The following NPHP4 variants were observed in gnomAD, a reference collection of about 807,000 sequenced individuals.
NPHP4 encodes the protein nephrocystin-4.
NPHP4 carries 151 observed loss-of-function variants against 155.8 expected under a neutral mutation model. That is an observed-to-expected ratio of 0.97 (90% CI 0.85 to 1.11). The LOEUF (loss-of-function observed/expected upper bound fraction) is 1.11, where lower values mean the gene tolerates loss of function less well. NPHP4 is among the 50% of genes least tolerant of loss of function. The pLI is 0.00. For missense variants in NPHP4, 1,956 were observed against 1,925.7 expected (o/e 1.02, Z -0.29); for synonymous variants, 845 against 816.8 (o/e 1.03, Z -0.59).
chr1:5,884,480 G>A (rs1037443560), intron 18 of NPHP4, among the ~76,000 whole-genome samples: 64 of 129,510 alleles, frequency 4.9e-4, no homozygotes, highest in Middle Eastern at 4.8e-3. Flanking sequence ...GCTCCCAGCC[G>A]AGCCCCCGTC....
intron 23 of NPHP4, 162 bp from the exon 24 acceptor site, chr1:5,868,058 T>C (rs545013748): frequency 8.7e-6 from 7 of 804,730 alleles, no homozygotes; most frequent in Middle Eastern, 4.4e-4. Flanking sequence ...AGGGACTGAG[T>C]CTGCAGCAGC....
At chr1:5,902,702 C>T (rs1478491204) in intron 16 of NPHP4, among the ~76,000 whole-genome samples, 3 of 152,154 alleles carry the variant, frequency 2.0e-5, no homozygotes, top group African/African-American at 7.2e-5. Context: ...TCTTCTTCAC[C>T]AACATAGGCA....
At chr1:5,894,000 T>A (rs1034982722) in intron 16 of NPHP4, among the ~76,000 whole-genome samples, 4 of 152,232 alleles carry the variant, frequency 2.6e-5, no homozygotes, top group Admixed American at 6.5e-5. Flanking sequence ...AGGATTATTA[T>A]AATATTGGAA....
intron 23 of NPHP4, among the ~76,000 whole-genome samples, 169 bp downstream of exon 23, chr1:5,873,083 C>G (rs1253417130): frequency 2.0e-5 from 3 of 152,192 alleles, no homozygotes; most frequent in Non-Finnish European, 4.4e-5. Context: ...CCAGACGGAG[C>G]TGCCCTGCCC....
intron 23 of NPHP4, 61 bp downstream of exon 23, chr1:5,873,191 G>A (rs1422837519): frequency 3.5e-6 from 5 of 1,411,956 alleles, no homozygotes; most frequent in Non-Finnish European, 5.0e-6. Context: ...GGACACAAGG[G>A]TCAGGCCCTG....
chr1:5,975,749 TG>T (rs1653440167), intron 3 of NPHP4, among the ~76,000 whole-genome samples: 1 of 152,166 alleles, frequency 6.6e-6, no homozygotes, highest in African/African-American at 2.4e-5. Context: ...TGCCAGGATG[TG>T]GTGAAATGCA....
Position 5,905,213 on chromosome 1 carries a change from G to C in NPHP4, c.1955+79C>G, listed in dbSNP as rs1644855988. ...GACCTCAGCACAGACAGTTCTGCCAGGTCAGAACCTCAGCGAAGTTTCTCT... is the reference window on the plus strand; with the variant it reads ...GACCTCAGCACAGACAGTTCTGCCACGTCAGAACCTCAGCGAAGTTTCTCT... On this transcript the variant is annotated intron_variant, in intron 15 of 29. Coordinates refer to ENST00000378156, the MANE Select transcript of NPHP4 (RefSeq NM_015102.5). This position sits in a 1 kb window ranked among gnomAD's most constrained non-coding sequence, Gnocchi z 4.0. 8.6e-7 allele frequency: 1 copy of C among 1,169,012 alleles called. No homozygotes were observed. Among genetic ancestry groups the C allele is most frequent in the Admixed American group, 1.7e-5 (1 of 59,130 alleles). 72.4% of individuals were successfully genotyped at this position (1,169,012 alleles called of 1,614,324 possible).
chr1:5,961,241 G>C (rs573304678), intron 6 of NPHP4, among the ~76,000 whole-genome samples: 3 of 152,270 alleles, frequency 2.0e-5, no homozygotes, highest in African/African-American at 7.2e-5. Flanking sequence ...GGCTGCCAGG[G>C]GCTGGGGGAG....
Position 5,867,533 on chromosome 1 carries a change from G to A in NPHP4, c.3472+207C>T. The A allele has an allele frequency of 1.6e-6, 1 of 612,566 alleles. No homozygotes were observed. Among genetic ancestry groups the A allele is most frequent in the Non-Finnish European group, 2.8e-6 (1 of 352,152 alleles). The allele number at this position is 612,566 out of a possible 1,614,324, so 37.9% of individuals were successfully genotyped here. On this transcript the variant is annotated intron_variant, in intron 24 of 29. Coordinates refer to ENST00000378156, the MANE Select transcript of NPHP4 (RefSeq NM_015102.5). This position sits in a 1 kb window ranked among gnomAD's most constrained non-coding sequence, Gnocchi z 4.1. Reference sequence around the variant, plus strand: ...TTTTTTAGAAGGGCAGACTCAGCCGGCAAATGCGCACCTAGTCATCTCAGA... The same window carrying A: ...TTTTTTAGAAGGGCAGACTCAGCCGACAAATGCGCACCTAGTCATCTCAGA...
Position 5,867,653 on chromosome 1 carries a change from A to T in NPHP4, c.3472+87T>A. Reference sequence around the variant, plus strand: ...TCTGACAGCACCAGGGCATGAAGCCATGAGGCCATCTGTCACCCTCAAGAG... The same window carrying T: ...TCTGACAGCACCAGGGCATGAAGCCTTGAGGCCATCTGTCACCCTCAAGAG... On this transcript the variant is annotated intron_variant, in intron 24 of 29. Transcript: ENST00000378156. The surrounding 1 kb of genome is among the most constrained non-coding windows in gnomAD (Gnocchi z 4.1). 3 of 1,389,182 alleles carry T rather than the reference A, an allele frequency of 2.2e-6. No individual in the cohort carries two copies. The highest frequency in any genetic ancestry group is 3.0e-6 in the Non-Finnish European group (3 of 1,004,784). 86.1% of individuals were successfully genotyped at this position (1,389,182 alleles called of 1,614,324 possible).
At chr1:5,864,275 G>A (rs1005974270) in intron 28 of NPHP4, 63 bp downstream of exon 28, 95 of 1,464,658 alleles carry the variant, frequency 6.5e-5, no homozygotes, top group Non-Finnish European at 8.5e-5. Flanking sequence ...CGAGGTGGGG[G>A]TCCTGCAGTG....
chr1:5,961,558 A>G (rs1317029195), intron 6 of NPHP4, among the ~76,000 whole-genome samples: 1 of 152,186 alleles, frequency 6.6e-6, no homozygotes, highest in African/African-American at 2.4e-5. Context: ...TTTCCCAACC[A>G]AAGCAGCCAG....
Position 5,875,083 on chromosome 1 carries a change from G to A in NPHP4, c.2835C>T (p.Arg945=). 1 of 1,605,178 alleles carries A rather than the reference G, an allele frequency of 6.2e-7. No individual in the cohort carries two copies. The highest frequency in any genetic ancestry group is 8.5e-7 in the Non-Finnish European group (1 of 1,179,188). ...GTSVLAQQSV[R]TQHLRDLQVI... ...CCTGTAGGTCCCGCAAGTGCTGTGT[G>A]CGGACGCTCTGCTGCGCCTGCAGAC... Residue 945 remains arginine, a synonymous_variant, in exon 21 of 30, where the codon CGC becomes CGT. Coordinates refer to ENST00000378156, the MANE Select transcript of NPHP4 (RefSeq NM_015102.5).
Position 5,909,565 on chromosome 1 carries a change from G to A in NPHP4, c.1442-352C>T, listed in dbSNP as rs182570003. 2.4e-3 allele frequency among the ~76,000 whole-genome samples: 360 copies of A among 152,310 alleles called. 2 individuals are homozygous for A. The highest frequency in any genetic ancestry group is 3.7e-3 in the Non-Finnish European group (249 of 68,030). On this transcript the variant is annotated intron_variant, in intron 11 of 29. Coordinates refer to ENST00000378156, the MANE Select transcript of NPHP4 (RefSeq NM_015102.5). ...ATCTTCCCTGCCCGGAAGAGCTGGG[G>A]TCTGAGGTTGCCCCAGTCTTGCAGC...
In NPHP4 at chr1:5,862,996, G is replaced by A. The variant is rs554018192; in HGVS notation, c.*269C>T. 4.4e-5 allele frequency: 23 copies of A among 518,542 alleles called. No homozygotes were observed. Among genetic ancestry groups the A allele is most frequent in the Middle Eastern group, 5.2e-4 (1 of 1,924 alleles). 32.1% of individuals were successfully genotyped at this position (518,542 alleles called of 1,614,324 possible). A position where few individuals can be genotyped will look rare whatever the true frequency, so the allele number is the denominator to read the frequency against. On this transcript the variant is annotated 3_prime_UTR_variant, in exon 30 of 30. Transcript: ENST00000378156. ...CAGCGATAACGAGGGTCCCACATGCGTAGATGGCAGCACCAGAGCCAGACC... is the reference window on the plus strand; with the variant it reads ...CAGCGATAACGAGGGTCCCACATGCATAGATGGCAGCACCAGAGCCAGACC...
At chr1:5,922,670 T>G (rs1161879388) in intron 11 of NPHP4, among the ~76,000 whole-genome samples, 1 of 152,066 alleles carries the variant, frequency 6.6e-6, no homozygotes, top group Non-Finnish European at 1.5e-5. Context: ...AACAAAAAAC[T>G]TAGCCAGGCA....
intron 2 of NPHP4, among the ~76,000 whole-genome samples, chr1:5,983,442 C>T (rs1393829689): frequency 6.6e-6 from 1 of 152,178 alleles, no homozygotes; most frequent in African/African-American, 2.4e-5. Flanking sequence ...TTCTGAGAGT[C>T]TGGAATTTTG....
intron 16 of NPHP4, among the ~76,000 whole-genome samples, chr1:5,895,786 C>T (rs1459928734): frequency 2.6e-5 from 4 of 152,224 alleles, no homozygotes; most frequent in East Asian, 3.8e-4. Flanking sequence ...ATGACACAAA[C>T]GTCTATTAGG....
intron 1 of NPHP4, among the ~76,000 whole-genome samples, chr1:5,990,985 G>A (rs1656171099): frequency 1.3e-5 from 2 of 152,168 alleles, no homozygotes; most frequent in Admixed American, 1.3e-4. Flanking sequence ...GAAAGCCAGT[G>A]GGGGAGAAAG....
Sources: gnomAD v4.1 joint callset for allele counts (sites outside exome capture counted in the v4.1 genomes callset) on GRCh38, gnomAD v4.1.1 for gene constraint, Gnocchi (gnomAD v3.1) non-coding constraint, MANE v1.5 for transcripts, NCBI Gene and HGNC (gene_info 2026-07-23, HGNC 2026-07-21) for gene names.